ZNF385D: variants seen among roughly 807,000 people sequenced by gnomAD.
ZNF385D encodes zinc finger protein 659.
Under a neutral mutation model 35.8 loss-of-function variants are expected in ZNF385D, and 15 were observed. The ratio of observed to expected loss-of-function variants is 0.42; its 90% confidence interval spans 0.28 to 0.64. The LOEUF (loss-of-function observed/expected upper bound fraction) is 0.64, where lower values mean the gene tolerates loss of function less well. ZNF385D is among the 30% of genes least tolerant of loss of function. ZNF385D has a pLI of 0.23. For synonymous variants in ZNF385D, 212 were observed against 186.8 expected (o/e 1.13, Z -1.10); for missense variants, 474 against 494.6 (o/e 0.96, Z 0.39).
chr3:21,932,237 T>C (rs192334195), intron 3 of ZNF385D, among the ~76,000 whole-genome samples: 2 of 147,316 alleles, frequency 1.4e-5, no homozygotes, highest in African/African-American at 5.0e-5. Flanking sequence ...AGAAGCCCTT[T>C]GTGATATAGG....
chr3:21,941,567 G>A (rs191187027), intron 3 of ZNF385D, among the ~76,000 whole-genome samples: 177 of 134,916 alleles, frequency 1.3e-3, no homozygotes, highest in Non-Finnish European at 2.4e-3. Context: ...GCATGATCTC[G>A]GCTCACTGCA....
intron 1 of ZNF385D, among the ~76,000 whole-genome samples, chr3:21,736,007 C>T (rs6810155): frequency 0.04 from 6,102 of 152,228 alleles, 237 homozygotes; most frequent in African/African-American, 0.099. Flanking sequence ...AAGGGTAGTG[C>T]CAGTATTTTG....
chr3:21,869,180 C>T (rs1405221967), intron 3 of ZNF385D, among the ~76,000 whole-genome samples: 2 of 152,068 alleles, frequency 1.3e-5, no homozygotes, highest in Non-Finnish European at 2.9e-5. Flanking sequence ...AGAAAGAGAT[C>T]ATTTTATCAT....
chr3:21,613,919 A>G (rs1165203393), intron 2 of ZNF385D, among the ~76,000 whole-genome samples: 2 of 152,182 alleles, frequency 1.3e-5, no homozygotes, highest in African/African-American at 4.8e-5. Context: ...GTTGGACCCC[A>G]AATATAAGAA....
At chr3:22,076,094 C>T (rs1290981037) in intron 3 of ZNF385D, among the ~76,000 whole-genome samples, 2 of 152,014 alleles carry the variant, frequency 1.3e-5, no homozygotes, top group African/African-American at 2.4e-5. Context: ...AGACTATCAC[C>T]TTTTAGTTTC....
chr3:21,998,849 G>C (rs1158382537), intron 3 of ZNF385D, among the ~76,000 whole-genome samples: 1 of 152,094 alleles, frequency 6.6e-6, no homozygotes, highest in African/African-American at 2.4e-5. Context: ...CACACACATA[G>C]ACACAGACAC....
chr3:22,094,852 G>T (rs944966492), intron 3 of ZNF385D, among the ~76,000 whole-genome samples: 5 of 151,968 alleles, frequency 3.3e-5, no homozygotes, highest in Non-Finnish European at 7.4e-5. Flanking sequence ...TTTCTTGAAG[G>T]CACAGCCTCA....
intron 3 of ZNF385D, among the ~76,000 whole-genome samples, chr3:21,962,140 A>G (rs1284284623): frequency 1.3e-5 from 2 of 152,150 alleles, no homozygotes; most frequent in Non-Finnish European, 2.9e-5. Flanking sequence ...AGAGGAAGGC[A>G]ACATAAAGCC....
At position 21,881,571 on chromosome 3, in the gene ZNF385D, G is replaced by A. The variant is rs147221521; in HGVS notation, c.326-216543C>T. Among the ~76,000 whole-genome samples, 4 of 152,148 alleles carry A rather than the reference G, an allele frequency of 2.6e-5. No homozygotes were observed. In the South Asian group the frequency reaches 8.3e-4, roughly 31 times the overall value. On this transcript the variant is annotated intron_variant, in intron 3 of 5. Transcript: ENST00000494108. ...GAGCTTTAATGGAGATGTACAAGGA[G>A]ATTAATGTTGTTTTAATGCCTGCTA...
intron 3 of ZNF385D, among the ~76,000 whole-genome samples, chr3:22,107,751 A>G (rs950458859): frequency 6.6e-6 from 1 of 151,986 alleles, no homozygotes; most frequent in African/African-American, 2.4e-5. Flanking sequence ...CTGTATGTAT[A>G]TATTTCTCTA....
intron 3 of ZNF385D, among the ~76,000 whole-genome samples, chr3:21,844,102 A>G (rs865861889): frequency 1.3e-5 from 2 of 151,976 alleles, no homozygotes; most frequent in African/African-American, 4.8e-5. Context: ...GATATTTAAC[A>G]TATATTTTAC....
At chr3:21,928,975 T>G (rs1559763413) in intron 3 of ZNF385D, among the ~76,000 whole-genome samples, 1 of 152,168 alleles carries the variant, frequency 6.6e-6, no homozygotes, top group African/African-American at 2.4e-5. Context: ...CAACTCATTT[T>G]AAGAGGCTAC....
intron 2 of ZNF385D, among the ~76,000 whole-genome samples, chr3:21,652,114 T>C (rs1180827681): frequency 2.0e-5 from 3 of 152,232 alleles, no homozygotes; most frequent in African/African-American, 7.2e-5. Flanking sequence ...AAGTAAATTA[T>C]AATGTCTTTA....
At chr3:21,618,607 A>G (rs1164427673) in intron 2 of ZNF385D, among the ~76,000 whole-genome samples, 1 of 152,230 alleles carries the variant, frequency 6.6e-6, no homozygotes, top group Non-Finnish European at 1.5e-5. Context: ...ACAGTAAATG[A>G]GTAACAAATA....
chr3:21,537,000 T>C (rs1033912141), intron 3 of ZNF385D, among the ~76,000 whole-genome samples: 5 of 151,784 alleles, frequency 3.3e-5, no homozygotes, highest in African/African-American at 1.2e-4. Context: ...GTAGCACTTG[T>C]CAAGGAAGCA....
Position 21,539,141 on chromosome 3 carries a change from A to G in ZNF385D, c.276+25433T>C, listed in dbSNP as rs758746189. On this transcript the variant is annotated intron_variant, in intron 3 of 7. Transcript: ENST00000281523. This position sits in a 1 kb window ranked among gnomAD's most constrained non-coding sequence, Gnocchi z 4.0. ...TTTAAACCTGCATAATAATAATGCA[A>G]CCCTTGACAAACCTGATCAACTCCT... is the stretch of plus-strand genomic sequence containing the variant. 6.6e-6 allele frequency among the ~76,000 whole-genome samples: 1 copy of G among 152,090 alleles called. No homozygotes were observed. Among genetic ancestry groups the G allele is most frequent in the Non-Finnish European group, 1.5e-5 (1 of 68,036 alleles).
intron 4 of ZNF385D, among the ~76,000 whole-genome samples, chr3:21,448,499 G>A (rs1234812556): frequency 6.6e-6 from 1 of 152,054 alleles, no homozygotes; most frequent in Non-Finnish European, 1.5e-5. Context: ...TCCATGTTGT[G>A]TTAATATATT....
intron 2 of ZNF385D, among the ~76,000 whole-genome samples, chr3:22,180,512 T>G (rs1338348180): frequency 2.0e-5 from 3 of 152,180 alleles, no homozygotes; most frequent in African/African-American, 4.8e-5. Flanking sequence ...ATATCCCTGA[T>G]GAACATCGAT....
At chr3:21,427,361 T>C (rs1485627641) in intron 5 of ZNF385D, among the ~76,000 whole-genome samples, 1 of 152,190 alleles carries the variant, frequency 6.6e-6, no homozygotes, top group African/African-American at 2.4e-5. Flanking sequence ...CCTAAGAAGT[T>C]AGTTGGAGAT....
Sources: gnomAD v4.1 joint callset for allele counts (sites outside exome capture counted in the v4.1 genomes callset) on GRCh38, gnomAD v4.1.1 for gene constraint, Gnocchi (gnomAD v3.1) non-coding constraint, MANE v1.5 for transcripts, NCBI Gene and HGNC (gene_info 2026-07-23, HGNC 2026-07-21) for gene names.